The following DNAH9 variants were observed in gnomAD, a reference collection of about 807,000 sequenced individuals.
DNAH9 encodes the protein DNAH9 variant protein.
A neutral mutation model predicts 471.6 loss-of-function variants in DNAH9; 345 were observed. The observed-to-expected ratio is 0.73, with a 90% CI of 0.67 to 0.80. The LOEUF (loss-of-function observed/expected upper bound fraction) is 0.80, where lower values mean the gene tolerates loss of function less well. Among genes scored for constraint, DNAH9 ranks in the 30% least tolerant of loss-of-function variants. DNAH9 has a pLI of 0.00. For synonymous variants in DNAH9, 2,093 were observed against 2,123.6 expected (o/e 0.99, Z 0.40); for missense variants, 5,407 against 5,609.2 (o/e 0.96, Z 1.15).
At chr17:11,708,837 A>G (rs1379919895) in intron 26 of DNAH9, among the ~76,000 whole-genome samples, 1 of 152,140 alleles carries the variant, frequency 6.6e-6, no homozygotes. Context: ...TCTAGACTGT[A>G]TGTTCCGAGA....
At chr17:11,816,152 G>T (rs780134120) in intron 45 of DNAH9, among the ~76,000 whole-genome samples, 4 of 152,104 alleles carry the variant, frequency 2.6e-5, no homozygotes, top group Non-Finnish European at 4.4e-5. Flanking sequence ...ATAGCTGCAC[G>T]TACCACCACT....
At chr17:11,816,238 CA>C (rs1970090500) in intron 45 of DNAH9, among the ~76,000 whole-genome samples, 1 of 152,200 alleles carries the variant, frequency 6.6e-6, no homozygotes, top group Middle Eastern at 3.4e-3. Context: ...CGTTATTGAA[CA>C]ATCCAGAAAT....
At chr17:11,729,332 C>T (rs1195799566) in intron 28 of DNAH9, among the ~76,000 whole-genome samples, 2 of 152,106 alleles carry the variant, frequency 1.3e-5, no homozygotes, top group African/African-American at 4.8e-5. Flanking sequence ...GGTTTCAGAA[C>T]CCCCATCCTG....
chr17:11,689,099 A>AT (rs940244924), intron 19 of DNAH9, among the ~76,000 whole-genome samples: 2 of 151,678 alleles, frequency 1.3e-5, no homozygotes, highest in Non-Finnish European at 2.9e-5. Flanking sequence ...TGTCTCAAAA[A>AT]AAAAATAAAA....
rs150055739 is a variant in DNAH9 at position 11,902,802 on chromosome 17, C to T, written c.11490C>T (p.Ser3830=). 7.7e-5 allele frequency: 125 copies of T among 1,614,008 alleles called. No individual in the cohort carries two copies. Among genetic ancestry groups the T allele is most frequent in the Middle Eastern group, 6.6e-4 (4 of 6,054 alleles). The change falls in exon 60 of 69, where the codon TCC becomes TCT. Residue 3830 remains serine, a synonymous_variant. Transcript: ENST00000262442. Reference sequence around the variant, plus strand: ...AGAGCTGGAAAAAGTTTGTGGAGTCCGAATGTCCTGAGAAAGAGAAGCTCC... The same window carrying T: ...AGAGCTGGAAAAAGTTTGTGGAGTCTGAATGTCCTGAGAAAGAGAAGCTCC... ...SAKSWKKFVE[S]ECPEKEKLPQ...
At position 11,930,098 on chromosome 17, in the gene DNAH9, G is replaced by A. The variant is rs764713249; in HGVS notation, c.12105+5G>A. 1.7e-5 allele frequency: 27 copies of A among 1,610,874 alleles called. No homozygotes were observed. Among genetic ancestry groups the A allele is most frequent in the East Asian group, 1.6e-4 (7 of 44,820 alleles). The stretch of plus-strand genomic sequence containing the variant: ...GCCCTGGACAACTTCACTCAGGTAC[G>A]GCCCCGGGAGGGAGGCAAAAACAGC... On this transcript the variant is annotated splice_donor_5th_base_variant and intron_variant, in intron 63 of 68. Transcript: ENST00000262442.
At chr17:11,711,165 C>G (rs2074820925) in intron 26 of DNAH9, among the ~76,000 whole-genome samples, 1 of 152,082 alleles carries the variant, frequency 6.6e-6, no homozygotes, top group African/African-American at 2.4e-5. Context: ...GTGCCCATCT[C>G]TGAGCCAGTC....
rs534318746 is a variant in DNAH9 at position 11,679,695 on chromosome 17, T to C, written c.3354-62T>C. On this transcript the variant is annotated intron_variant, in intron 17 of 68. Transcript: ENST00000262442. ...TAGATATTTTTGTTGGGGAAATCAA[T>C]ACATCTGCCTTTCGAGAAGTAGAAC... The C allele has an allele frequency of 4.8e-5, 57 of 1,194,132 alleles. 1 individual carries two copies. In the South Asian group the frequency reaches 5.0e-4, roughly 11 times the overall value. The allele number at this position is 1,194,132 out of a possible 1,614,324, so 74.0% of individuals were successfully genotyped here.
rs1238551158 is a variant in DNAH9 at position 11,712,026 on chromosome 17, ATATATATTTATATATATT to A, written c.5552+6849_5552+6866del. Reference sequence around the variant, plus strand: ...TTTGTATATATATTTATATATAAATATATATATTTATATATATTTATATATAAATATATATATTTGTAT... The same window carrying A: ...TTTGTATATATATTTATATATAAATATATATATAAATATATATATTTGTAT... On this transcript the variant is annotated intron_variant, in intron 26 of 68. Coordinates refer to ENST00000262442, the MANE Select transcript of DNAH9 (RefSeq NM_001372.4). 5.1e-4 allele frequency among the ~76,000 whole-genome samples: 7 copies of A among 13,696 alleles called. 2 individuals carry two copies. In the East Asian group the frequency reaches 9.0e-3, roughly 18 times the overall value. The allele number at this position is 13,696 out of a possible 152,430, so 9.0% of individuals were successfully genotyped here.
intron 52 of DNAH9, among the ~76,000 whole-genome samples, chr17:11,872,672 G>A (rs752876789): frequency 1.7e-4 from 26 of 152,078 alleles, no homozygotes; most frequent in Non-Finnish European, 2.9e-4. Flanking sequence ...TGTAATCCCA[G>A]CACTTTGGGA....
intron 14 of DNAH9, among the ~76,000 whole-genome samples, chr17:11,653,639 A>G (rs2150705039): frequency 6.6e-6 from 1 of 152,332 alleles, no homozygotes. Context: ...CTCCTGTGGA[A>G]AGTCACAAGT....
chr17:11,834,901 AG>A lies in DNAH9; in HGVS notation c.9507+5del. 6.2e-7 allele frequency: 1 copy of A among 1,611,762 alleles called. No individual in the cohort carries two copies. The highest frequency in any genetic ancestry group is 1.1e-5 in the South Asian group (1 of 90,786). The stretch of plus-strand genomic sequence containing the variant: ...CAGCTCTCAACACCCTGAACAAGGT[AG>A]GAGGACTGTCTGCCATACCTGCTCA... On this transcript the variant is annotated splice_donor_region_variant and intron_variant, in intron 49 of 68. Transcript: ENST00000262442.
At position 11,604,536 on chromosome 17, in the gene DNAH9, T is replaced by G. The variant is rs371812097; in HGVS notation, c.418-3593T>G. Among the ~76,000 whole-genome samples the G allele has an allele frequency of 3.3e-5, 5 of 152,232 alleles. No homozygotes were observed. In the East Asian group the frequency reaches 9.7e-4, roughly 29 times the overall value. On this transcript the variant is annotated intron_variant, in intron 1 of 68. Coordinates refer to ENST00000262442, the MANE Select transcript of DNAH9 (RefSeq NM_001372.4). ...TCCAGCTGCCTACTCAACATCTCTA[T>G]CTTAAAGTCCAATCGAGATACTACA...
rs1276466433 is a variant in DNAH9, at chr17:11,651,253, T to C, written c.2282T>C (p.Val761Ala). 6 of 1,613,874 alleles carry C rather than the reference T, an allele frequency of 3.7e-6. No homozygotes were observed. The East Asian group carries it at 1.1e-4, about 30-fold the overall frequency. ...KTLLEVEFPL[V>A]EEELQNIDLR... is the part of the protein sequence containing the mutation. Reference sequence around the variant, plus strand: ...CTGCTGGAGGTGGAATTTCCATTAGTGGAGGAAGAGCTGCAAAATATTGAT... The same window carrying C: ...CTGCTGGAGGTGGAATTTCCATTAGCGGAGGAAGAGCTGCAAAATATTGAT... The change falls in exon 13 of 69, where the codon GTG (valine) becomes GCG (alanine). Residue 761 changes from valine (V) to alanine (A), a missense_variant. Val to Ala is a moderately conservative substitution (Grantham distance 64). Transcript: ENST00000262442.
intron 27 of DNAH9, among the ~76,000 whole-genome samples, chr17:11,722,219 G>A (rs1004655408): frequency 3.3e-5 from 5 of 152,248 alleles, no homozygotes; most frequent in South Asian, 2.1e-4. Context: ...AAATAAATGC[G>A]GAACAAGGGC....
At position 11,669,064 on chromosome 17, in the gene DNAH9, A is replaced by G; in HGVS notation, c.2732A>G (p.Glu911Gly). 1 of 1,597,584 alleles carries G rather than the reference A, an allele frequency of 6.3e-7. No homozygotes were observed. The highest frequency in any genetic ancestry group is 8.5e-7 in the Non-Finnish European group (1 of 1,171,316). The change falls in exon 16 of 69, where the codon GAG (glutamate) becomes GGG (glycine). Residue 911 changes from glutamate (E) to glycine (G), a missense_variant and splice_region_variant. Coordinates refer to ENST00000262442, the MANE Select transcript of DNAH9 (RefSeq NM_001372.4). ...CSLKYLLENTECKAGLTPIFE... is the reference protein window; with the variant it reads ...CSLKYLLENTGCKAGLTPIFE... The stretch of plus-strand genomic sequence containing the variant: ...TTTGCTTGTTTTCTGTGTTTTTCAG[A>G]GTGTAAGGCAGGACTTACCCCAATA...
intron 18 of DNAH9, 76 bp downstream of exon 18, chr17:11,680,055 T>C (rs1455402984): frequency 8.5e-7 from 1 of 1,173,210 alleles, no homozygotes; most frequent in Non-Finnish European, 1.2e-6. Flanking sequence ...TAAAGTGGGG[T>C]ACAGCAAATG....
At position 11,871,755 on chromosome 17, in the gene DNAH9, G is replaced by A; in HGVS notation, c.10211G>A (p.Arg3404Lys). Residue 3404 changes from arginine to lysine, a missense_variant, in exon 52 of 69, where the codon AGA (arginine) becomes AAA (lysine). By Grantham distance (26) the Arg-to-Lys change is conservative. This residue lies in a region of DNAH9 where 4,636 missense variants were observed against 4,900.3 expected (regional missense o/e 0.95). Transcript: ENST00000262442. Reference sequence around the variant, plus strand: ...AAATACCGGCAGAGCCTCCTGGACAGAACTTGGAGGCCCTACCTGAGCCAG... The same window carrying A: ...AAATACCGGCAGAGCCTCCTGGACAAAACTTGGAGGCCCTACCTGAGCCAG... ...TKKYRQSLLD[R>K]TWRPYLSQLK... The A allele has an allele frequency of 6.2e-7, 1 of 1,614,198 alleles. No individual in the cohort carries two copies. The highest frequency in any genetic ancestry group is 2.2e-5 in the East Asian group (1 of 44,886).
chr17:11,646,890 G>A (rs1338194788), intron 11 of DNAH9, among the ~76,000 whole-genome samples, 182 bp from the exon 12 acceptor site: 3 of 152,174 alleles, frequency 2.0e-5, no homozygotes, highest in Non-Finnish European at 4.4e-5. Flanking sequence ...TCCAGCATGG[G>A]CAACAAGAGC....
Sources: allele counts gnomAD v4.1 joint callset (sites outside exome capture counted in the v4.1 genomes callset), GRCh38; gene constraint gnomAD v4.1.1; regional missense constraint gnomAD v4.1.1; transcripts MANE v1.5; gene names NCBI Gene and HGNC (gene_info 2026-07-23, HGNC 2026-07-21).